Variants in USP2 observed in about 807,000 individuals in gnomAD.
USP2 encodes ubiquitin carboxyl-terminal hydrolase 2.
A neutral mutation model predicts 72.0 loss-of-function variants in USP2; 33 were observed. The observed-to-expected ratio is 0.46, with a 90% confidence interval of 0.35 to 0.61. The LOEUF (loss-of-function observed/expected upper bound fraction) is 0.61. Among genes scored for constraint, USP2 ranks in the 20% least tolerant of loss-of-function variants. The pLI is 0.01. For synonymous variants in USP2, 296 were observed against 312.5 expected (o/e 0.95, Z 0.56); for missense variants, 691 against 797.8 (o/e 0.87, Z 1.61).
chr11:119,355,960 G>T lies in USP2; in HGVS notation c.*875C>A, dbSNP rs148934904. ...ACTGGGGAAAAGGGAAGAGGCTGAG[G>T]GATATTTCAGGAGGGGCAGTTACCC... On this transcript the variant is annotated 3_prime_UTR_variant, in exon 13 of 13. Coordinates refer to ENST00000260187, the MANE Select transcript of USP2 (RefSeq NM_004205.5). 2 of 151,800 alleles carry T rather than the reference G, an allele frequency of 1.3e-5. No individual in the cohort carries two copies. Among genetic ancestry groups the T allele is most frequent in the African/African-American group, 4.8e-5 (2 of 41,386 alleles). 9.4% of individuals were successfully genotyped at this position (151,800 alleles called of 1,614,324 possible).
At position 119,356,966 on chromosome 11, in the gene USP2, G is replaced by T. The variant is rs988758527; in HGVS notation, c.1731-44C>A. 26 of 1,544,416 alleles carry T rather than the reference G, an allele frequency of 1.7e-5. No individual in the cohort carries two copies. The African/African-American group carries it at 3.0e-4, about 18-fold the overall frequency. ...GTCAGCCCGGAGCGGGCAGGACCGG[G>T]AGACCCCCCGCCGGCTTCTTTCTGT... On this transcript the variant is annotated intron_variant, in intron 12 of 12. Transcript: ENST00000260187.
chr11:119,367,249 T>C (rs1950866698), intron 2 of USP2, among the ~76,000 whole-genome samples: 1 of 152,212 alleles, frequency 6.6e-6, no homozygotes, highest in South Asian at 2.1e-4. Context: ...CCTCAGAACC[T>C]GGGCTTGGCC....
chr11:119,368,435 G>A (rs1430552152), intron 2 of USP2, among the ~76,000 whole-genome samples: 1 of 152,244 alleles, frequency 6.6e-6, no homozygotes, highest in African/African-American at 2.4e-5. Context: ...GACAGCCCCT[G>A]CTATCCGCAA....
At chr11:119,381,432 C>A in intron 1 of USP2, 41 bp downstream of exon 1, 1 of 1,533,900 alleles carries the variant, frequency 6.5e-7, no homozygotes, top group South Asian at 1.2e-5. Context: ...GGCACTGATC[C>A]CCGAATCCCC....
In USP2 at chr11:119,359,028, G is replaced by A; in HGVS notation, c.1168C>T (p.Leu390Phe). Residue 390 changes from leucine to phenylalanine, a missense_variant, in exon 6 of 13, where the codon CTT becomes TTT. Coordinates refer to ENST00000260187, the MANE Select transcript of USP2 (RefSeq NM_004205.5). ...PKSNPENLDH[L>F]PDDEKGRQMW... ...CAGCATTCTCCTCTTACTTACGGAA[G>A]ATGATCGAGGTTCTCAGGGTTGGAC... 2 of 1,614,004 alleles carry A rather than the reference G, an allele frequency of 1.2e-6. No individual in the cohort carries two copies. The highest frequency in any genetic ancestry group is 1.1e-5 in the South Asian group (1 of 91,080).
In USP2 at chr11:119,358,240, C is replaced by G; in HGVS notation, c.1250G>C (p.Gly417Ala). 1.2e-6 allele frequency: 2 copies of G among 1,613,164 alleles called. No individual in the cohort carries two copies. Among genetic ancestry groups the G allele is most frequent in the Non-Finnish European group, 1.7e-6 (2 of 1,180,002 alleles). Residue 417 changes from glycine to alanine, a missense_variant, in exon 8 of 13, where the codon GGG becomes GCG. Physicochemically the swap from Gly to Ala is moderately conservative, Grantham distance 60. Transcript: ENST00000260187. ...ACACGTCAGCGAGCTCTTTAGCTGC[C>G]CAACAAAGAGATCTGGGGAAGAGAA... The part of the protein sequence containing the change: ...EDSRIGDLFV[G>A]QLKSSLTCTD...
chr11:119,356,201 A>T lies in USP2; in HGVS notation c.*634T>A, dbSNP rs2135382280. 6.6e-6 allele frequency: 1 copy of T among 152,594 alleles called. No individual in the cohort carries two copies. The highest frequency in any genetic ancestry group is 1.9e-4 in the East Asian group (1 of 5,186). The allele number at this position is 152,594 out of a possible 1,614,324, so 9.5% of individuals were successfully genotyped here. A position where few individuals can be genotyped will look rare whatever the true frequency, so the allele number is the denominator to read the frequency against. The stretch of plus-strand genomic sequence containing the variant: ...TACTTGGAAAAGCAATAAAAGGACC[A>T]GTGCAACGTCCCAGCTATGAAGAGG... On this transcript the variant is annotated 3_prime_UTR_variant, in exon 13 of 13. Coordinates refer to ENST00000260187, the MANE Select transcript of USP2 (RefSeq NM_004205.5).
Position 119,357,970 on chromosome 11 carries a change from G to A in USP2, c.1422+11C>T, listed in dbSNP as rs752909676. ...GAAATTTGTTCTTGCTATTACCGAA[G>A]GGTGACTTACTGGCTTTTCATCTCC... is the stretch of plus-strand genomic sequence containing the variant. On this transcript the variant is annotated intron_variant, in intron 9 of 12. Coordinates refer to ENST00000260187, the MANE Select transcript of USP2 (RefSeq NM_004205.5). The A allele has an allele frequency of 1.2e-6, 2 of 1,614,168 alleles. No individual in the cohort carries two copies. Among genetic ancestry groups the A allele is most frequent in the South Asian group, 2.2e-5 (2 of 91,084 alleles).
intron 1 of USP2, chr11:119,376,328 C>T: frequency 1.0e-6 from 1 of 985,596 alleles, no homozygotes; most frequent in Non-Finnish European, 1.2e-6. Context: ...GACGGGCACT[C>T]ACGTGGCTGC....
At chr11:119,377,818 G>A (rs544108613) in intron 1 of USP2, among the ~76,000 whole-genome samples, 1 of 152,248 alleles carries the variant, frequency 6.6e-6, no homozygotes, top group African/African-American at 2.4e-5. Flanking sequence ...AGCCAGGGGA[G>A]GGACTTGCTC....
chr11:119,359,669 GA>G lies in USP2; in HGVS notation c.826-10del. On this transcript the variant is annotated splice_polypyrimidine_tract_variant and intron_variant, in intron 3 of 12. Coordinates refer to ENST00000260187, the MANE Select transcript of USP2 (RefSeq NM_004205.5). ...ATTGAGTTCATGAAGCACTGCAAGAGATGACCAGGCAATCAGTGGGGAGACG... is the reference window on the plus strand; with the variant it reads ...ATTGAGTTCATGAAGCACTGCAAGAGTGACCAGGCAATCAGTGGGGAGACG... The G allele has an allele frequency of 6.2e-7, 1 of 1,612,824 alleles. No individual in the cohort carries two copies. The highest frequency in any genetic ancestry group is 8.5e-7 in the Non-Finnish European group (1 of 1,179,860).
At chr11:119,364,055 G>A (rs979196719) in intron 2 of USP2, 8 of 1,273,590 alleles carry the variant, frequency 6.3e-6, no homozygotes, top group Middle Eastern at 3.0e-4. Flanking sequence ...GGGCGCGGGG[G>A]GAGTCCCCGC....
At chr11:119,361,798 A>G (rs1950769262) in intron 2 of USP2, among the ~76,000 whole-genome samples, 2 of 152,252 alleles carry the variant, frequency 1.3e-5, no homozygotes, top group Middle Eastern at 3.4e-3. Flanking sequence ...AGAAAGGCCA[A>G]TTGGCAGCAG....
chr11:119,375,470 TG>T (rs1950989066), intron 1 of USP2, among the ~76,000 whole-genome samples: 1 of 152,204 alleles, frequency 6.6e-6, no homozygotes, highest in Non-Finnish European at 1.5e-5. Flanking sequence ...CTTTGCCCAC[TG>T]TGCCCAGCAC....
rs759950930 is a variant in USP2, at chr11:119,357,838, G to C, written c.1423-3C>G. 4 of 1,350,702 alleles carry C rather than the reference G, an allele frequency of 3.0e-6. No individual in the cohort carries two copies. 83.7% of individuals were successfully genotyped at this position (1,350,702 alleles called of 1,614,324 possible). On this transcript the variant is annotated splice_polypyrimidine_tract_variant and splice_region_variant and intron_variant, in intron 9 of 12. Coordinates refer to ENST00000260187, the MANE Select transcript of USP2 (RefSeq NM_004205.5). ...CTGCCTCGGCAGCGACAGCATGTCTGAGAGACAAGACAAACAGAAAGAACT... is the reference window on the plus strand; with the variant it reads ...CTGCCTCGGCAGCGACAGCATGTCTCAGAGACAAGACAAACAGAAAGAACT...
chr11:119,357,600 A>G lies in USP2; in HGVS notation c.1502-10T>C. The G allele has an allele frequency of 1.2e-6, 2 of 1,614,142 alleles. No individual in the cohort carries two copies. The highest frequency in any genetic ancestry group is 4.5e-5 in the East Asian group (2 of 44,880). ...GAGAACCGCTTCAGATCTGGCATTG[A>G]CGTGAGTCAAGGATAGTCAAACCAA... is the stretch of plus-strand genomic sequence containing the variant. On this transcript the variant is annotated splice_polypyrimidine_tract_variant and intron_variant, in intron 10 of 12. Coordinates refer to ENST00000260187, the MANE Select transcript of USP2 (RefSeq NM_004205.5).
intron 1 of USP2, among the ~76,000 whole-genome samples, chr11:119,378,620 GAGA>G (rs766928568): frequency 3.3e-5 from 5 of 152,204 alleles, no homozygotes; most frequent in African/African-American, 4.8e-5. Context: ...CTGACTGGTG[GAGA>G]AGAAGTGGAT....
intron 2 of USP2, among the ~76,000 whole-genome samples, chr11:119,368,145 G>T (rs1366883594): frequency 6.6e-6 from 1 of 152,156 alleles, no homozygotes; most frequent in Non-Finnish European, 1.5e-5. Flanking sequence ...CCTTTCCTTC[G>T]CAGCAGCTAG....
chr11:119,373,656 G>T, intron 1 of USP2, 135 bp from the exon 2 acceptor site: 1 of 853,552 alleles, frequency 1.2e-6, no homozygotes, highest in Non-Finnish European at 1.7e-6. Context: ...TGGCTGCTGA[G>T]AAGCACACAT....
Sources: gnomAD v4.1 joint callset for allele counts (sites outside exome capture counted in the v4.1 genomes callset) on GRCh38, gnomAD v4.1.1 for gene constraint, MANE v1.5 for transcripts, NCBI Gene and HGNC (gene_info 2026-07-23, HGNC 2026-07-21) for gene names.